The following LEKR1 variants were observed in gnomAD, a reference collection of about 807,000 sequenced individuals.
The protein encoded by LEKR1 is protein LEKR1.
LEKR1 carries 59 observed loss-of-function variants against 72.4 expected under a neutral mutation model. The observed-to-expected ratio is 0.82, with a 90% CI of 0.66 to 1.01. The LOEUF (loss-of-function observed/expected upper bound fraction) is 1.01. Among genes scored for constraint, LEKR1 ranks in the 50% least tolerant of loss-of-function variants. The pLI, the probability that LEKR1 is intolerant of heterozygous loss-of-function variation, is 0.00. For synonymous variants in LEKR1, 257 were observed against 263.2 expected, an observed-to-expected ratio of 0.98 and a Z score of 0.23; for missense variants, 728 against 759.2, an observed-to-expected ratio of 0.96 and a Z score of 0.48.
intron 5 of LEKR1, among the ~76,000 whole-genome samples, chr3:156,936,643 G>A (rs1199201539): frequency 6.6e-6 from 1 of 152,026 alleles, no homozygotes; most frequent in African/African-American, 2.4e-5. Context: ...GTTTTCACAT[G>A]TAGTTTTTAA....
intron 5 of LEKR1, among the ~76,000 whole-genome samples, chr3:156,938,213 C>T (rs559061683): frequency 7.2e-5 from 11 of 151,906 alleles, no homozygotes; most frequent in African/African-American, 2.7e-4. Flanking sequence ...TGGATTTTAC[C>T]AATGCAATTT....
intron 7 of LEKR1, among the ~76,000 whole-genome samples, chr3:156,992,200 G>C (rs541145187): frequency 6.0e-4 from 92 of 152,306 alleles, no homozygotes; most frequent in African/African-American, 2.1e-3. Context: ...AAATACCATG[G>C]CCTCTGGTTC....
At chr3:157,025,698 T>C (rs1321188046) in intron 11 of LEKR1, among the ~76,000 whole-genome samples, 1 of 152,192 alleles carries the variant, frequency 6.6e-6, no homozygotes, top group Non-Finnish European at 1.5e-5. Flanking sequence ...CTTCATGCTT[T>C]GGATTTATTG....
intron 3 of LEKR1, among the ~76,000 whole-genome samples, chr3:156,873,417 A>G (rs1718192608): frequency 6.6e-6 from 1 of 151,954 alleles, no homozygotes; most frequent in Non-Finnish European, 1.5e-5. Context: ...TTTATATTCA[A>G]AGTTATTATT....
At chr3:156,957,901 T>G (rs2107981278) in intron 6 of LEKR1, among the ~76,000 whole-genome samples, 1 of 152,216 alleles carries the variant, frequency 6.6e-6, no homozygotes, top group South Asian at 2.1e-4. Flanking sequence ...TGAGCCACCA[T>G]GCCTGACCCC....
intron 6 of LEKR1, among the ~76,000 whole-genome samples, chr3:156,952,448 CT>C (rs1727244692): frequency 6.6e-6 from 1 of 151,184 alleles, no homozygotes; most frequent in South Asian, 2.1e-4. Context: ...TAGCTTTGAT[CT>C]TTTTTCCTTC....
chr3:156,987,022 CTATTGTATTG>C (rs67063525), intron 7 of LEKR1, among the ~76,000 whole-genome samples: 26,974 of 124,248 alleles, frequency 0.22, 2,827 homozygotes, highest in Non-Finnish European at 0.26. Flanking sequence ...AAATAGCTAG[CTATTGTATTG>C]TATTGTATTG....
chr3:156,836,038 T>G (rs1330860334), intron 2 of LEKR1, among the ~76,000 whole-genome samples: 1 of 151,898 alleles, frequency 6.6e-6, no homozygotes, highest in Non-Finnish European at 1.5e-5. Flanking sequence ...CATGCCTGGC[T>G]GATTTTTGTA....
chr3:157,011,714 T>A (rs1423546312), intron 10 of LEKR1, among the ~76,000 whole-genome samples: 1 of 152,070 alleles, frequency 6.6e-6, no homozygotes, highest in Non-Finnish European at 1.5e-5. Flanking sequence ...TTATAACACA[T>A]TTTGGAATCT....
At position 157,045,481 on chromosome 3, in the gene LEKR1, A is replaced by G. The variant is rs1735683246; in HGVS notation, c.1810A>G (p.Lys604Glu). ...SLPFSPCSLS[K>E]GSLTSPAAAV... ...ACCATTCTCACCGTGTTCCCTCAGC[A>G]AGGGCAGCCTAACCTCCCCTGCTGC... Residue 604 changes from lysine (K) to glutamate (E), a missense_variant, in exon 13 of 13, where the codon AAG (lysine) becomes GAG (glutamate). Lys to Glu is a moderately conservative substitution (Grantham distance 56). Transcript: ENST00000356539. The G allele has an allele frequency of 5.0e-6, 8 of 1,614,138 alleles. No individual in the cohort carries two copies. Among genetic ancestry groups the G allele is most frequent in the Non-Finnish European group, 5.1e-6 (6 of 1,180,014 alleles).
intron 3 of LEKR1, among the ~76,000 whole-genome samples, chr3:156,909,742 A>G (rs1722927173): frequency 6.6e-6 from 1 of 151,908 alleles, no homozygotes; most frequent in South Asian, 2.1e-4. Flanking sequence ...AAAAGTATTA[A>G]TACATCCCAT....
intron 12 of LEKR1, among the ~76,000 whole-genome samples, chr3:157,039,674 A>G (rs1735215574): frequency 1.3e-5 from 2 of 152,216 alleles, no homozygotes; most frequent in Non-Finnish European, 2.9e-5. Flanking sequence ...GATTCATGTA[A>G]ACTCTAAGAT....
intron 10 of LEKR1, among the ~76,000 whole-genome samples, 177 bp downstream of exon 10, chr3:157,011,683 A>C (rs548196791): frequency 6.6e-6 from 1 of 152,300 alleles, no homozygotes; most frequent in South Asian, 2.1e-4. Context: ...AATATTAGAC[A>C]ACATAATGGA....
intron 3 of LEKR1, among the ~76,000 whole-genome samples, chr3:156,899,377 TAC>T (rs1405843054): frequency 8.5e-6 from 1 of 117,296 alleles, no homozygotes; most frequent in East Asian, 2.3e-4. Context: ...TATACATATA[TAC>T]ACATATATAC....
intron 7 of LEKR1, among the ~76,000 whole-genome samples, chr3:156,982,908 T>C (rs1730354194): frequency 7.1e-6 from 1 of 140,792 alleles, no homozygotes; most frequent in African/African-American, 2.5e-5. Flanking sequence ...GATAGATAGA[T>C]GGAAGAGCTA....
intron 6 of LEKR1, among the ~76,000 whole-genome samples, chr3:156,950,792 A>G (rs989879369): frequency 6.6e-6 from 1 of 151,696 alleles, no homozygotes; most frequent in African/African-American, 2.4e-5. Flanking sequence ...TTCTGGATAT[A>G]GAAACATGTC....
At chr3:156,930,712 T>C (rs1725151995) in intron 5 of LEKR1, among the ~76,000 whole-genome samples, 1 of 152,136 alleles carries the variant, frequency 6.6e-6, no homozygotes, top group African/African-American at 2.4e-5. Context: ...AGTGCTGGCA[T>C]ATGGATCAAC....
At chr3:156,960,196 C>T (rs549287674) in intron 6 of LEKR1, among the ~76,000 whole-genome samples, 3 of 152,252 alleles carry the variant, frequency 2.0e-5, no homozygotes, top group Non-Finnish European at 4.4e-5. Context: ...AATAAATGCT[C>T]ATATTTTTCA....
intron 4 of LEKR1, among the ~76,000 whole-genome samples, chr3:156,921,519 T>C (rs564381779): frequency 5.3e-5 from 8 of 152,294 alleles, no homozygotes; most frequent in Non-Finnish European, 1.2e-4. Context: ...CAATACATAA[T>C]TTTTGAATGA....
Sources: allele counts gnomAD v4.1 joint callset (sites outside exome capture counted in the v4.1 genomes callset), GRCh38; gene constraint gnomAD v4.1.1; transcripts MANE v1.5; gene names NCBI Gene and HGNC (gene_info 2026-07-23, HGNC 2026-07-21).